Variants in MGRN1 observed in about 807,000 individuals in gnomAD.
MGRN1 encodes the protein mahogunin ring finger 1.
A neutral mutation model predicts 69.2 loss-of-function variants in MGRN1; 29 were observed. The observed-to-expected ratio is 0.42, with a 90% CI of 0.31 to 0.57. The LOEUF (loss-of-function observed/expected upper bound fraction) is 0.57, where lower values mean the gene tolerates loss of function less well. MGRN1 is among the 20% of genes least tolerant of loss of function. The pLI is 0.15. For synonymous variants in MGRN1, 470 were observed against 344.2 expected, an observed-to-expected ratio of 1.37 and a Z score of -4.04; for missense variants, 998 against 796.2, an observed-to-expected ratio of 1.25 and a Z score of -3.05.
chr16:4,677,686 G>A, intron 11 of MGRN1, 114 bp downstream of exon 11: 1 of 986,518 alleles, frequency 1.0e-6, no homozygotes, highest in Non-Finnish European at 1.5e-6. Flanking sequence ...TGTCCAGTGG[G>A]CAGGCATGGC....
chr16:4,664,405 G>A (rs549443568), intron 5 of MGRN1: 3 of 433,824 alleles, frequency 6.9e-6, no homozygotes, highest in Admixed American at 4.0e-5. Flanking sequence ...TGGGGTTTCC[G>A]TTTGGGGTGA....
chr16:4,649,439 C>A (rs1365675402), intron 1 of MGRN1: 1 of 152,196 alleles, frequency 6.6e-6, no homozygotes, highest in Non-Finnish European at 1.5e-5. Flanking sequence ...GAGGACTCTT[C>A]CTTACCTCTC....
At chr16:4,662,844 T>G (rs1377060137) in intron 5 of MGRN1, among the ~76,000 whole-genome samples, 1 of 152,132 alleles carries the variant, frequency 6.6e-6, no homozygotes, top group East Asian at 1.9e-4. Flanking sequence ...GGCGGGTGCT[T>G]GGCTGCGGGC....
chr16:4,630,729 G>T (rs151205996), intron 1 of MGRN1, among the ~76,000 whole-genome samples: 141 of 152,164 alleles, frequency 9.3e-4, no homozygotes, highest in African/African-American at 3.1e-3. Flanking sequence ...ACAGGCGTGA[G>T]CCGCTGTGCC....
chr16:4,667,930 C>G (rs775795362), intron 7 of MGRN1, among the ~76,000 whole-genome samples: 7 of 152,016 alleles, frequency 4.6e-5, no homozygotes, highest in Non-Finnish European at 7.4e-5. Flanking sequence ...GCAGGAGGCC[C>G]TTGTCCATCA....
chr16:4,650,876 G>C, intron 2 of MGRN1: 1 of 156,186 alleles, frequency 6.4e-6, no homozygotes, highest in Non-Finnish European at 1.4e-5. Context: ...GGAGGCTGAG[G>C]CGGGCAGATC....
chr16:4,668,530 GACAC>G (rs767001731), intron 8 of MGRN1, among the ~76,000 whole-genome samples: 3 of 150,352 alleles, frequency 2.0e-5, no homozygotes, highest in Non-Finnish European at 4.4e-5. Flanking sequence ...TAAACACACA[GACAC>G]ACACATACAC....
chr16:4,640,518 T>C (rs989196471), intron 1 of MGRN1: 1 of 152,282 alleles, frequency 6.6e-6, no homozygotes, highest in Non-Finnish European at 1.5e-5. Flanking sequence ...ACTGCTGGGC[T>C]CCAGTCCCCC....
chr16:4,670,284 C>T (rs567192970), intron 8 of MGRN1, among the ~76,000 whole-genome samples: 1 of 152,118 alleles, frequency 6.6e-6, no homozygotes, highest in Non-Finnish European at 1.5e-5. Flanking sequence ...ACTCTGTCGC[C>T]GAGGCTGGAG....
chr16:4,630,751 A>G (rs565411094), intron 1 of MGRN1, among the ~76,000 whole-genome samples: 8 of 150,662 alleles, frequency 5.3e-5, no homozygotes, highest in Non-Finnish European at 1.0e-4. Context: ...GGCCTTTTCT[A>G]GAAGTTTTAT....
chr16:4,630,125 G>A (rs1897924090), intron 1 of MGRN1, among the ~76,000 whole-genome samples: 1 of 151,450 alleles, frequency 6.6e-6, no homozygotes, highest in South Asian at 2.1e-4. Flanking sequence ...ACTGAGATGG[G>A]TGGATTGCCT....
intron 1 of MGRN1, among the ~76,000 whole-genome samples, chr16:4,647,618 C>A (rs1252891755): frequency 1.3e-5 from 2 of 152,200 alleles, no homozygotes; most frequent in Non-Finnish European, 2.9e-5. Flanking sequence ...GTGCGGTGAC[C>A]CCTCAGAAAA....
At chr16:4,629,396 GAA>G (rs1897875086) in intron 1 of MGRN1, among the ~76,000 whole-genome samples, 1 of 152,022 alleles carries the variant, frequency 6.6e-6, no homozygotes. Context: ...GAATTTTGAC[GAA>G]GTCTCATTTA....
intron 5 of MGRN1, among the ~76,000 whole-genome samples, chr16:4,660,966 G>A (rs571939663): frequency 8.5e-5 from 13 of 152,260 alleles, no homozygotes; most frequent in Admixed American, 5.9e-4. Context: ...TGTGCCCCAC[G>A]TCCCTGCAGC....
chr16:4,681,675 C>T lies in MGRN1; in HGVS notation c.1257C>T (p.Ile419=), dbSNP rs746657621. ...ATGAAGAAATCACCTATTCAGGCAT[C>T]TCGGACGGCCTGTCCCAGGCCAGCT... ...PLYEEITYSG[I]SDGLSQASCP... Residue 419 remains isoleucine (I), a synonymous_variant, in exon 13 of 17, where the codon ATC becomes ATT. Transcript: ENST00000262370. 3.7e-6 allele frequency: 6 copies of T among 1,613,362 alleles called. No individual in the cohort carries two copies. In the South Asian group the frequency reaches 5.5e-5, roughly 15 times the overall value.
chr16:4,684,772 C>T (rs575592373), intron 16 of MGRN1, among the ~76,000 whole-genome samples: 12 of 152,250 alleles, frequency 7.9e-5, no homozygotes, highest in Non-Finnish European at 1.2e-4. Flanking sequence ...AGGCTGTCTG[C>T]GGCTCTGGAA....
At chr16:4,660,034 C>G (rs549266238) in intron 5 of MGRN1, among the ~76,000 whole-genome samples, 1 of 152,316 alleles carries the variant, frequency 6.6e-6, no homozygotes, top group East Asian at 1.9e-4. Flanking sequence ...AGGAGGGAGA[C>G]GCTTCCCCGA....
intron 7 of MGRN1, among the ~76,000 whole-genome samples, chr16:4,665,493 C>T (rs952430288): frequency 4.0e-5 from 6 of 151,176 alleles, no homozygotes; most frequent in East Asian, 1.9e-4. Context: ...CTCAACCTCC[C>T]GAGTACCTGG....
intron 1 of MGRN1, among the ~76,000 whole-genome samples, chr16:4,642,071 G>A (rs376958919): frequency 3.3e-5 from 5 of 150,936 alleles, no homozygotes; most frequent in African/African-American, 1.2e-4. Flanking sequence ...AGTGCTGAGG[G>A]TCCATCCGGT....
Sources: allele counts gnomAD v4.1 joint callset (sites outside exome capture counted in the v4.1 genomes callset), GRCh38; gene constraint gnomAD v4.1.1; transcripts MANE v1.5; gene names NCBI Gene and HGNC (gene_info 2026-07-23, HGNC 2026-07-21).